Variants in SLC35A5 observed in about 807,000 individuals in gnomAD.
The protein encoded by SLC35A5 is UDP-sugar transporter protein SLC35A5.
In SLC35A5, 28 loss-of-function variants were observed where a neutral mutation model predicts 36.3. The observed-to-expected ratio is 0.77, with a 90% CI of 0.57 to 1.06. SLC35A5 has a LOEUF of 1.06. SLC35A5 is among the 50% of genes least tolerant of loss of function. SLC35A5 has a pLI of 0.00. For synonymous variants in SLC35A5, 180 were observed against 173.7 expected (o/e 1.04, Z -0.29); for missense variants, 521 against 499.3 (o/e 1.04, Z -0.41).
At chr3:112,565,140 A>G (rs985337888) in intron 2 of SLC35A5, among the ~76,000 whole-genome samples, 2 of 152,220 alleles carry the variant, frequency 1.3e-5, no homozygotes, top group Non-Finnish European at 2.9e-5. Context: ...CAGCAGGTTC[A>G]AAGTGCATAA....
intron 2 of SLC35A5, among the ~76,000 whole-genome samples, chr3:112,567,190 C>T (rs1934235314): frequency 6.6e-6 from 1 of 150,758 alleles, no homozygotes; most frequent in South Asian, 2.1e-4. Context: ...CACGCCATTG[C>T]ACTCCAGCCT....
chr3:112,569,391 C>G lies in SLC35A5; in HGVS notation c.229+122C>G. The G allele has an allele frequency of 1.4e-5, 10 of 732,488 alleles. No individual in the cohort carries two copies. The South Asian group carries it at 1.4e-4, about 10-fold the overall frequency. The allele number at this position is 732,488 out of a possible 1,614,324, so 45.4% of individuals were successfully genotyped here. A position where few individuals can be genotyped will look rare whatever the true frequency, so the allele number is the denominator to read the frequency against. ...AATTTTATATGAGGAAGCTAAGATA[C>G]AAACATAAGTATGTTTTAGAGGTGG... On this transcript the variant is annotated intron_variant, in intron 3 of 6. Transcript: ENST00000492406.
intron 6 of SLC35A5, among the ~76,000 whole-genome samples, 158 bp from the exon 7 acceptor site, chr3:112,582,511 CTA>C (rs1192181052): frequency 2.0e-5 from 3 of 152,092 alleles, no homozygotes; most frequent in Non-Finnish European, 2.9e-5. Context: ...TCTCATACTT[CTA>C]TAGTTAACTT....
chr3:112,580,744 A>T lies in SLC35A5; in HGVS notation c.627A>T (p.Glu209Asp). The T allele has an allele frequency of 6.2e-7, 1 of 1,614,182 alleles. No homozygotes were observed. The highest frequency in any genetic ancestry group is 8.5e-7 in the Non-Finnish European group (1 of 1,180,000). Residue 209 changes from glutamate (E) to aspartate (D), a missense_variant, in exon 6 of 7, where the codon GAA becomes GAT. Physicochemically the swap from Glu to Asp is conservative, Grantham distance 45. Coordinates refer to ENST00000492406, the MANE Select transcript of SLC35A5 (RefSeq NM_017945.5). ...GAAAAGACAATTGTACAGCAAAGGA[A>T]TGGACTTTTCCTGAAGCTAAATGGA... is the stretch of plus-strand genomic sequence containing the variant. ...CPRKDNCTAK[E>D]WTFPEAKWNT...
chr3:112,585,435 G>A lies in SLC35A5; in HGVS notation c.*2699G>A, dbSNP rs951273561. ...AAGGACATGAGGGTTGACAAAATATGTATTGGGTACAATGTTCACTGTTTG... is the reference window on the plus strand; with the variant it reads ...AAGGACATGAGGGTTGACAAAATATATATTGGGTACAATGTTCACTGTTTG... On this transcript the variant is annotated 3_prime_UTR_variant, in exon 7 of 7. Coordinates refer to ENST00000492406, the MANE Select transcript of SLC35A5 (RefSeq NM_017945.5). 1 of 152,136 alleles carries A rather than the reference G, an allele frequency of 6.6e-6. No individual in the cohort carries two copies. The highest frequency in any genetic ancestry group is 1.5e-5 in the Non-Finnish European group (1 of 68,048). The allele number at this position is 152,136 out of a possible 1,614,324, so 9.4% of individuals were successfully genotyped here.
At position 112,580,713 on chromosome 3, in the gene SLC35A5, G is replaced by A; in HGVS notation, c.596G>A (p.Cys199Tyr). The A allele has an allele frequency of 3.1e-6, 5 of 1,614,098 alleles. No individual in the cohort carries two copies. Among genetic ancestry groups the A allele is most frequent in the Non-Finnish European group, 4.2e-6 (5 of 1,179,980 alleles). The change falls in exon 6 of 7, where the codon TGT becomes TAT. Residue 199 changes from cysteine to tyrosine, a missense_variant. Transcript: ENST00000492406. ...SNSCLLFRSECPRKDNCTAKE... is the reference protein window; with the variant it reads ...SNSCLLFRSEYPRKDNCTAKE... ...TCCTGCCTTCTTTTCAGAAGTGAGT[G>A]TCCCAGAAAAGACAATTGTACAGCA... is the stretch of plus-strand genomic sequence containing the variant.
At chr3:112,574,942 G>A (rs763417689) in intron 5 of SLC35A5, among the ~76,000 whole-genome samples, 3 of 152,052 alleles carry the variant, frequency 2.0e-5, no homozygotes, top group Non-Finnish European at 4.4e-5. Context: ...AGAGTACATC[G>A]AAGTTTGTTC....
chr3:112,585,035 G>A lies in SLC35A5; in HGVS notation c.*2299G>A, dbSNP rs1935094401. 6.6e-6 allele frequency: 1 copy of A among 152,126 alleles called. No homozygotes were observed. Among genetic ancestry groups the A allele is most frequent in the Admixed American group, 6.6e-5 (1 of 15,262 alleles). 9.4% of individuals were successfully genotyped at this position (152,126 alleles called of 1,614,324 possible). A position where few individuals can be genotyped will look rare whatever the true frequency, so the allele number is the denominator to read the frequency against. On this transcript the variant is annotated 3_prime_UTR_variant, in exon 7 of 7. Transcript: ENST00000492406. ...CCAAAGTGAGAAGGGTGGTGTATTA[G>A]TCCATTCTCATGCTGCTACAAAGAA...
At chr3:112,570,792 T>C in intron 4 of SLC35A5, 122 bp downstream of exon 4, 1 of 924,094 alleles carries the variant, frequency 1.1e-6, no homozygotes, top group Non-Finnish European at 1.5e-6. Flanking sequence ...CTGGCCTTCC[T>C]GAGATTTCCC....
Position 112,569,193 on chromosome 3 carries a change from A to G in SLC35A5, c.153A>G (p.Pro51=). 1 of 1,613,562 alleles carries G rather than the reference A, an allele frequency of 6.2e-7. No homozygotes were observed. The highest frequency in any genetic ancestry group is 1.3e-5 in the African/African-American group (1 of 75,052). ...ANEENKYDYL[P]TTVNVCSELV... ...CAGAAAACAAGTATGATTATCTTCC[A>G]ACTACTGTGAATGTGTGCTCAGAAC... The change falls in exon 3 of 7, where the codon CCA becomes CCG. Residue 51 remains proline (P), a synonymous_variant. Transcript: ENST00000492406.
At chr3:112,573,031 T>C (rs766968) in intron 4 of SLC35A5, among the ~76,000 whole-genome samples, 111,680 of 152,114 alleles carry the variant, frequency 0.73, 45,704 homozygotes, top group Non-Finnish European at 0.92. Context: ...ATTCTTGGAG[T>C]TGTTGCCATT....
At chr3:112,577,866 ACT>A (rs1477511231) in intron 5 of SLC35A5, among the ~76,000 whole-genome samples, 2 of 151,998 alleles carry the variant, frequency 1.3e-5, no homozygotes, top group African/African-American at 2.4e-5. Flanking sequence ...GCCCCTTGTC[ACT>A]CTCTTTGTGC....
upstream of SLC35A5, chr3:112,561,637 CG>C: frequency 2.6e-6 from 3 of 1,140,588 alleles, no homozygotes; most frequent in Non-Finnish European, 2.5e-6. Flanking sequence ...CATCAGCACC[CG>C]GCTGGCAGCA....
intron 5 of SLC35A5, among the ~76,000 whole-genome samples, chr3:112,578,435 AG>A (rs1378324699): frequency 6.6e-6 from 1 of 152,226 alleles, no homozygotes; most frequent in Non-Finnish European, 1.5e-5. Context: ...GTAGCCTTCT[AG>A]CCACAGGCAT....
intron 5 of SLC35A5, among the ~76,000 whole-genome samples, chr3:112,574,443 A>G (rs1028284449): frequency 2.6e-5 from 4 of 152,178 alleles, no homozygotes; most frequent in African/African-American, 7.2e-5. Context: ...TATAGTTAAG[A>G]AGGATAGTTT....
At chr3:112,579,582 C>T (rs987453185) in intron 5 of SLC35A5, among the ~76,000 whole-genome samples, 5 of 152,002 alleles carry the variant, frequency 3.3e-5, no homozygotes, top group African/African-American at 1.2e-4. Flanking sequence ...TATATCACCA[C>T]CTCCTTTTTC....
intron 2 of SLC35A5, among the ~76,000 whole-genome samples, chr3:112,567,354 C>T (rs1029875725): frequency 1.2e-4 from 18 of 151,972 alleles, no homozygotes; most frequent in African/African-American, 3.1e-4. Flanking sequence ...AGTGCACTGG[C>T]GCGATCTCAG....
At chr3:112,576,152 G>A (rs13088467) in intron 5 of SLC35A5, among the ~76,000 whole-genome samples, 10,176 of 151,208 alleles carry the variant, frequency 0.067, 429 homozygotes, top group Admixed American at 0.12. Flanking sequence ...GGGTGGGTAC[G>A]GAGTCTTGCT....
intron 4 of SLC35A5, 55 bp downstream of exon 4, chr3:112,570,725 C>T: frequency 6.8e-7 from 1 of 1,459,944 alleles, no homozygotes; most frequent in South Asian, 1.4e-5. Context: ...AAATAAATCC[C>T]AGAATTTTTT....
Sources: allele counts gnomAD v4.1 joint callset (sites outside exome capture counted in the v4.1 genomes callset), GRCh38; gene constraint gnomAD v4.1.1; transcripts MANE v1.5; gene names NCBI Gene and HGNC (gene_info 2026-07-23, HGNC 2026-07-21).